GNA14: variants seen among roughly 807,000 people sequenced by gnomAD.
GNA14 encodes guanine nucleotide-binding protein subunit alpha-14.
Under a neutral mutation model 42.0 loss-of-function variants are expected in GNA14, and 50 were observed. That is an observed-to-expected ratio of 1.19 (90% CI 0.95 to 1.51). GNA14 has a LOEUF of 1.51. Ranked by LOEUF, GNA14 falls within the 40% of genes most tolerant of loss-of-function variation. GNA14 has a pLI of 0.00. For missense variants in GNA14, 473 were observed against 446.2 expected (o/e 1.06, Z -0.54); for synonymous variants, 173 against 163.1 (o/e 1.06, Z -0.46).
chr9:77,482,675 G>A (rs1259188812), intron 2 of GNA14, among the ~76,000 whole-genome samples: 3 of 152,106 alleles, frequency 2.0e-5, no homozygotes, highest in East Asian at 1.9e-4. Context: ...CATTCTCCCT[G>A]TCACTTTCAG....
intron 1 of GNA14, among the ~76,000 whole-genome samples, chr9:77,621,162 G>A (rs1434009856): frequency 1.3e-5 from 2 of 152,016 alleles, no homozygotes; most frequent in Admixed American, 1.3e-4. Context: ...TCAAACTCCT[G>A]GACTCAAGCA....
chr9:77,481,605 G>A (rs1836553736), intron 2 of GNA14, among the ~76,000 whole-genome samples: 1 of 152,120 alleles, frequency 6.6e-6, no homozygotes, highest in South Asian at 2.1e-4. Context: ...GGGTATCCTT[G>A]TTAACTTTCT....
chr9:77,455,785 CTT>C (rs1835988319), intron 2 of GNA14, among the ~76,000 whole-genome samples: 2 of 152,196 alleles, frequency 1.3e-5, no homozygotes, highest in Admixed American at 1.3e-4. Context: ...ACCTGATTCT[CTT>C]TTCACTTTAG....
intron 1 of GNA14, among the ~76,000 whole-genome samples, chr9:77,557,083 T>A (rs1005317106): frequency 6.6e-6 from 1 of 152,156 alleles, no homozygotes; most frequent in African/African-American, 2.4e-5. Flanking sequence ...AAGTGAACTA[T>A]GGCCAAAATA....
intron 2 of GNA14, among the ~76,000 whole-genome samples, chr9:77,460,633 G>A (rs1587774660): frequency 6.6e-6 from 1 of 152,186 alleles, no homozygotes; most frequent in Non-Finnish European, 1.5e-5. Context: ...GTCCTCACGG[G>A]AGCTCCTAGG....
intron 1 of GNA14, among the ~76,000 whole-genome samples, chr9:77,589,930 G>C (rs1000609817): frequency 1.3e-5 from 2 of 152,022 alleles, no homozygotes; most frequent in Non-Finnish European, 2.9e-5. Flanking sequence ...TTTTTGTTTT[G>C]TTTTGAGATA....
chr9:77,423,446 TAAA>T lies in GNA14; in HGVS notation c.*530_*532del, dbSNP rs963512958. On this transcript the variant is annotated 3_prime_UTR_variant, in exon 7 of 7. Transcript: ENST00000341700. ...TAACACACAAAAAGAACCAAGTGTT[TAAA>T]AAAAATCTTTGGTGGCATGTTAAAG... is the stretch of plus-strand genomic sequence containing the variant. The T allele has an allele frequency of 6.6e-6, 1 of 151,942 alleles. No homozygotes were observed. Among genetic ancestry groups the T allele is most frequent in the Non-Finnish European group, 1.5e-5 (1 of 67,994 alleles). 9.4% of individuals were successfully genotyped at this position (151,942 alleles called of 1,614,324 possible). A position where few individuals can be genotyped will look rare whatever the true frequency, so the allele number is the denominator to read the frequency against.
intron 1 of GNA14, among the ~76,000 whole-genome samples, chr9:77,647,452 AG>A (rs1250838311): frequency 6.6e-6 from 1 of 152,160 alleles, no homozygotes; most frequent in Non-Finnish European, 1.5e-5. Context: ...GTTTTGGGGC[AG>A]GGGAAGGTGT....
chr9:77,591,508 A>G (rs1823391097), intron 1 of GNA14, among the ~76,000 whole-genome samples: 1 of 152,220 alleles, frequency 6.6e-6, no homozygotes, highest in South Asian at 2.1e-4. Context: ...CTCTAGCTGT[A>G]TGATCCTAGG....
In GNA14 at chr9:77,453,142, AAAAAATAAAAAAT is replaced by A. The variant is rs566744634; in HGVS notation, c.310-18633_310-18621del. Among the ~76,000 whole-genome samples the A allele has an allele frequency of 4.4e-4, 67 of 152,198 alleles. No homozygotes were observed. In the South Asian group the frequency reaches 0.014, roughly 32 times the overall value. ...GTGACAGAGCAAGACCCTGTTCCTG[AAAAAATAAAAAAT>A]AAAAATAAAAAGAGGCCTGAGGGAG... On this transcript the variant is annotated intron_variant, in intron 2 of 6. Transcript: ENST00000341700.
chr9:77,611,179 AT>A (rs1823724607), intron 1 of GNA14, among the ~76,000 whole-genome samples: 1 of 152,174 alleles, frequency 6.6e-6, no homozygotes, highest in African/African-American at 2.4e-5. Context: ...AGGGTTGGAG[AT>A]TTTACCTTAC....
chr9:77,514,608 ATT>A (rs34158312), intron 2 of GNA14, among the ~76,000 whole-genome samples: 3,523 of 136,058 alleles, frequency 0.026, 66 homozygotes, highest in African/African-American at 0.083. Flanking sequence ...ATAATATCAG[ATT>A]TTTTTTTTTT....
chr9:77,474,467 A>G (rs1264001860), intron 2 of GNA14, among the ~76,000 whole-genome samples: 4 of 152,186 alleles, frequency 2.6e-5, no homozygotes, highest in Non-Finnish European at 5.9e-5. Flanking sequence ...GCAACACACA[A>G]TGGGATTACT....
chr9:77,425,858 G>C (rs1282480141), intron 5 of GNA14, 143 bp from the exon 6 acceptor site: 1 of 664,794 alleles, frequency 1.5e-6, no homozygotes, highest in Non-Finnish European at 2.5e-6. Flanking sequence ...GAGCATGTGG[G>C]GCCCCAGGCT....
intron 1 of GNA14, among the ~76,000 whole-genome samples, chr9:77,622,198 C>T (rs977856862): frequency 9.2e-5 from 14 of 152,274 alleles, no homozygotes; most frequent in Middle Eastern, 3.4e-3. Flanking sequence ...AGAATATGGA[C>T]AAGCTTTAAG....
chr9:77,610,008 A>G (rs991129428), intron 1 of GNA14, among the ~76,000 whole-genome samples: 7 of 152,150 alleles, frequency 4.6e-5, no homozygotes, highest in Non-Finnish European at 8.8e-5. Context: ...AAAAGTCAAC[A>G]CCACACCCAG....
At chr9:77,626,797 C>T (rs1338838344) in intron 1 of GNA14, among the ~76,000 whole-genome samples, 1 of 152,008 alleles carries the variant, frequency 6.6e-6, no homozygotes, top group African/African-American at 2.4e-5. Flanking sequence ...GATCTAAAAT[C>T]AACACCCTAA....
chr9:77,465,258 G>A (rs911745257), intron 2 of GNA14, among the ~76,000 whole-genome samples: 7 of 152,138 alleles, frequency 4.6e-5, no homozygotes, highest in East Asian at 3.9e-4. Flanking sequence ...TTTCTATGTC[G>A]GACACCACAC....
chr9:77,431,024 T>TGTGTGTGTGTGTGTGTGTGTG (rs1554686110), intron 4 of GNA14, among the ~76,000 whole-genome samples: 5 of 101,524 alleles, frequency 4.9e-5, no homozygotes, highest in South Asian at 2.8e-4. Flanking sequence ...AAGTATACAT[T>TGTGTGTGTGTGTGTGTGTGTG]TGTGTGTGTG....
Sources: gnomAD v4.1 joint callset for allele counts (sites outside exome capture counted in the v4.1 genomes callset) on GRCh38, gnomAD v4.1.1 for gene constraint, MANE v1.5 for transcripts, NCBI Gene and HGNC (gene_info 2026-07-23, HGNC 2026-07-21) for gene names.